Variants in RSRC1 observed in about 807,000 individuals in gnomAD.
RSRC1 encodes the protein serine/Arginine-related protein 53.
RSRC1 carries 39 observed loss-of-function variants against 49.1 expected under a neutral mutation model. The observed-to-expected ratio is 0.79, with a 90% CI of 0.61 to 1.04. RSRC1 has a LOEUF of 1.04. Among genes scored for constraint, RSRC1 ranks in the 50% least tolerant of loss-of-function variants. The pLI, the probability that RSRC1 is intolerant of heterozygous loss-of-function variation, is 0.00. For missense variants in RSRC1, 388 were observed against 402.4 expected (o/e 0.96, Z 0.31); for synonymous variants, 143 against 130.8 (o/e 1.09, Z -0.63).
At chr3:158,437,066 G>C (rs1736079205) in intron 6 of RSRC1, among the ~76,000 whole-genome samples, 2 of 151,592 alleles carry the variant, frequency 1.3e-5, no homozygotes, top group Non-Finnish European at 2.9e-5. Flanking sequence ...CTATAGAAGA[G>C]GCCATATTGA....
In RSRC1 at chr3:158,438,497, G is replaced by C. The variant is rs146368496; in HGVS notation, c.584-22438G>C. 7.7e-3 allele frequency among the ~76,000 whole-genome samples: 1,175 copies of C among 152,086 alleles called. 7 individuals are homozygous for C. Among genetic ancestry groups the C allele is most frequent in the Non-Finnish European group, 0.01 (704 of 67,986 alleles). ...TATAGACCAATAGAACAGAACAGAGGCCACAGAAATAACACCACACATCTA... is the reference window on the plus strand; with the variant it reads ...TATAGACCAATAGAACAGAACAGAGCCCACAGAAATAACACCACACATCTA... On this transcript the variant is annotated intron_variant, in intron 6 of 9. Transcript: ENST00000611884.
chr3:158,396,679 G>C (rs1265289629), intron 6 of RSRC1, among the ~76,000 whole-genome samples: 1 of 152,082 alleles, frequency 6.6e-6, no homozygotes, highest in Non-Finnish European at 1.5e-5. Flanking sequence ...GTATGAGTAG[G>C]ATAGTAAAAT....
At chr3:158,524,421 C>T (rs1450994484) in intron 7 of RSRC1, among the ~76,000 whole-genome samples, 2 of 151,954 alleles carry the variant, frequency 1.3e-5, no homozygotes, top group African/African-American at 2.4e-5. Context: ...GGGGCATTGT[C>T]CACATAAACT....
chr3:158,218,710 T>A (rs1454488117), intron 4 of RSRC1, among the ~76,000 whole-genome samples: 1 of 151,618 alleles, frequency 6.6e-6, no homozygotes, highest in Non-Finnish European at 1.5e-5. Context: ...TGGACCTTGA[T>A]GACTACAGAA....
chr3:158,224,585 T>G (rs1215572483), intron 4 of RSRC1, among the ~76,000 whole-genome samples: 3 of 151,848 alleles, frequency 2.0e-5, no homozygotes, highest in African/African-American at 7.2e-5. Flanking sequence ...AATTAAAGGC[T>G]TTCTCATTTC....
chr3:158,507,792 G>A (rs1275369440), intron 7 of RSRC1, among the ~76,000 whole-genome samples: 4 of 152,138 alleles, frequency 2.6e-5, no homozygotes, highest in Non-Finnish European at 4.4e-5. Flanking sequence ...CAGGGCATTG[G>A]CCAGGTATGA....
At chr3:158,193,223 A>G (rs1443083473) in intron 3 of RSRC1, among the ~76,000 whole-genome samples, 1 of 152,066 alleles carries the variant, frequency 6.6e-6, no homozygotes, top group Non-Finnish European at 1.5e-5. Context: ...GGATTTCTTT[A>G]TCTTCTAAAT....
intron 6 of RSRC1, among the ~76,000 whole-genome samples, chr3:158,407,319 GATCT>G (rs1560028839): frequency 6.6e-6 from 1 of 152,064 alleles, no homozygotes; most frequent in African/African-American, 2.4e-5. Flanking sequence ...GACTCAGTAG[GATCT>G]ATTAAAAACA....
chr3:158,515,799 T>G (rs1277861227), intron 7 of RSRC1, among the ~76,000 whole-genome samples: 1 of 152,050 alleles, frequency 6.6e-6, no homozygotes, highest in African/African-American at 2.4e-5. Flanking sequence ...TGCTCGTTTC[T>G]TTTTATTCTT....
At chr3:158,119,329 A>T (rs990719172) in intron 1 of RSRC1, among the ~76,000 whole-genome samples, 1 of 152,104 alleles carries the variant, frequency 6.6e-6, no homozygotes, top group Non-Finnish European at 1.5e-5. Context: ...TAAATTCTCC[A>T]TGTGTTTTTC....
chr3:158,450,140 A>C (rs1376652337), intron 6 of RSRC1, among the ~76,000 whole-genome samples: 1 of 151,940 alleles, frequency 6.6e-6, no homozygotes, highest in Admixed American at 6.6e-5. Flanking sequence ...TAGCTCAGTG[A>C]TTAGGAACAA....
At chr3:158,396,063 C>T (rs1266972521) in intron 6 of RSRC1, among the ~76,000 whole-genome samples, 1 of 152,046 alleles carries the variant, frequency 6.6e-6, no homozygotes, top group Non-Finnish European at 1.5e-5. Flanking sequence ...GTGCCATTAT[C>T]CTAAGCAAAC....
chr3:158,228,345 AAAG>A (rs1044550820), intron 4 of RSRC1, among the ~76,000 whole-genome samples: 8 of 151,982 alleles, frequency 5.3e-5, no homozygotes, highest in African/African-American at 1.4e-4. Flanking sequence ...GCATTTTAAC[AAAG>A]AATAGGCAGG....
chr3:158,182,284 G>A (rs1476889224), intron 3 of RSRC1, among the ~76,000 whole-genome samples: 1 of 152,122 alleles, frequency 6.6e-6, no homozygotes, highest in Non-Finnish European at 1.5e-5. Context: ...AATTTTTCAA[G>A]TTAATTACAA....
intron 5 of RSRC1, among the ~76,000 whole-genome samples, chr3:158,321,983 ACACAC>A (rs1728790816): frequency 1.3e-5 from 2 of 150,298 alleles, no homozygotes; most frequent in East Asian, 3.9e-4. Context: ...CTACACACAC[ACACAC>A]ACACACACAC....
At chr3:158,378,635 TC>T (rs1304242527) in intron 6 of RSRC1, among the ~76,000 whole-genome samples, 3 of 152,196 alleles carry the variant, frequency 2.0e-5, no homozygotes, top group Non-Finnish European at 4.4e-5. Flanking sequence ...CGGGAGTGCT[TC>T]AGCTGTCAAG....
intron 9 of RSRC1, 75 bp from the exon 10 acceptor site, chr3:158,544,108 G>C (rs1713193511): frequency 1.1e-6 from 1 of 951,626 alleles, no homozygotes; most frequent in Non-Finnish European, 1.7e-6. Context: ...CTACAAAGGT[G>C]AGTTCTGTCA....
intron 4 of RSRC1, among the ~76,000 whole-genome samples, chr3:158,260,285 G>A (rs1283092076): frequency 1.3e-5 from 2 of 152,098 alleles, no homozygotes; most frequent in Non-Finnish European, 2.9e-5. Flanking sequence ...GATGAATCTT[G>A]CCAGGACTAG....
chr3:158,314,957 G>C (rs1454889592), intron 5 of RSRC1, among the ~76,000 whole-genome samples: 2 of 152,024 alleles, frequency 1.3e-5, no homozygotes, highest in East Asian at 3.9e-4. Context: ...GTTTGAACCT[G>C]GGAGGCAGAG....
Sources: allele counts gnomAD v4.1 joint callset (sites outside exome capture counted in the v4.1 genomes callset), GRCh38; gene constraint gnomAD v4.1.1; transcripts MANE v1.5; gene names NCBI Gene and HGNC (gene_info 2026-07-23, HGNC 2026-07-21).